Variants in COLQ observed in about 807,000 individuals in gnomAD.
COLQ encodes acetylcholinesterase collagenic tail peptide.
A neutral mutation model predicts 69.0 loss-of-function variants in COLQ; 48 were observed. The observed-to-expected ratio is 0.70, with a 90% CI of 0.55 to 0.88. COLQ has a LOEUF of 0.88. Among genes scored for constraint, COLQ ranks in the 40% least tolerant of loss-of-function variants. The pLI is 0.00. For missense variants in COLQ, 618 were observed against 594.6 expected (o/e 1.04, Z -0.41); for synonymous variants, 217 against 211.2 (o/e 1.03, Z -0.24).
chr3:15,466,361 G>A lies in COLQ; in HGVS notation c.794C>T (p.Pro265Leu), dbSNP rs1366896613. ...CTTACCTGCAGGTGGGGGGCCTGGG[G>A]GCCCCGGACGGCCAGGTTGACCAGA... ...GPSGQPGRPG[P>L]PGPPPAGQLI... The change falls in exon 12 of 17, where the codon CCC (proline) becomes CTC (leucine). Residue 265 changes from proline to leucine, a missense_variant. Physicochemically the swap from Pro to Leu is moderately conservative, Grantham distance 98. Coordinates refer to ENST00000383788, the MANE Select transcript of COLQ (RefSeq NM_005677.4). The A allele has an allele frequency of 2.0e-5, 33 of 1,613,786 alleles. No individual in the cohort carries two copies. Among genetic ancestry groups the A allele is most frequent in the Middle Eastern group, 1.6e-4 (1 of 6,082 alleles).
At chr3:15,472,571 C>A (rs889167840) in intron 10 of COLQ, among the ~76,000 whole-genome samples, 1 of 152,198 alleles carries the variant, frequency 6.6e-6, no homozygotes, top group Non-Finnish European at 1.5e-5. Context: ...GTTAAAATAA[C>A]AATTTCCAAT....
chr3:15,481,611 C>T lies in COLQ; in HGVS notation c.322-2229G>A, dbSNP rs1359685942. Reference sequence around the variant, plus strand: ...TGCCAGTACCATGCTGTCTTGGTTACTGTAGCCTTGTAGTATAGTTTGAAG... The same window carrying T: ...TGCCAGTACCATGCTGTCTTGGTTATTGTAGCCTTGTAGTATAGTTTGAAG... On this transcript the variant is annotated intron_variant, in intron 3 of 16. Transcript: ENST00000383788. Among the ~76,000 whole-genome samples, 4 of 152,204 alleles carry T rather than the reference C, an allele frequency of 2.6e-5. No individual in the cohort carries two copies. In the East Asian group the frequency reaches 7.7e-4, roughly 29 times the overall value.
intron 8 of COLQ, among the ~76,000 whole-genome samples, chr3:15,474,562 T>C (rs1249359019): frequency 7.0e-6 from 1 of 143,564 alleles, no homozygotes; most frequent in African/African-American, 2.7e-5. Flanking sequence ...TTTGATTTGG[T>C]TTTTGGCCAG....
At chr3:15,499,164 CACAA>C (rs1245195281) in intron 1 of COLQ, among the ~76,000 whole-genome samples, 1 of 152,058 alleles carries the variant, frequency 6.6e-6, no homozygotes, top group African/African-American at 2.4e-5. Flanking sequence ...ACAACGAAAC[CACAA>C]ACAAACAAAA....
intron 1 of COLQ, among the ~76,000 whole-genome samples, chr3:15,513,234 C>T (rs373800014): frequency 1.3e-5 from 2 of 152,294 alleles, no homozygotes; most frequent in South Asian, 2.1e-4. Flanking sequence ...TGAGCTATAA[C>T]TGTTACTGTC....
In COLQ at chr3:15,475,413, C is replaced by T. The variant is rs1205391202; in HGVS notation, c.528+12G>A. ...AGAGATCTGGGAACGTCCATTTGGA[C>T]CCCACACTGACCTTGGAGCCCATTG... On this transcript the variant is annotated intron_variant, in intron 7 of 16. Coordinates refer to ENST00000383788, the MANE Select transcript of COLQ (RefSeq NM_005677.4). 3 of 1,588,896 alleles carry T rather than the reference C, an allele frequency of 1.9e-6. No individual in the cohort carries two copies. Among genetic ancestry groups the T allele is most frequent in the Admixed American group, 1.8e-5 (1 of 57,090 alleles).
At chr3:15,464,671 G>A (rs940587161) in intron 12 of COLQ, among the ~76,000 whole-genome samples, 4 of 152,114 alleles carry the variant, frequency 2.6e-5, no homozygotes, top group African/African-American at 9.7e-5. Context: ...AATACACTGT[G>A]GAATTGTAAA....
chr3:15,467,876 G>T (rs749026047), intron 11 of COLQ: 11 of 456,642 alleles, frequency 2.4e-5, no homozygotes, highest in Non-Finnish European at 4.4e-5. Context: ...GGCACTGGGG[G>T]CCGTCTTGGT....
At chr3:15,496,046 C>T (rs1033209829) in intron 1 of COLQ, among the ~76,000 whole-genome samples, 3 of 152,284 alleles carry the variant, frequency 2.0e-5, no homozygotes, top group Non-Finnish European at 4.4e-5. Context: ...GCCTCCAGTG[C>T]CTTCCTTCAC....
rs1448910640 is a variant in COLQ at position 15,521,571 on chromosome 3, A to C, written c.55T>G (p.Ser19Ala). 1 of 1,614,222 alleles carries C rather than the reference A, an allele frequency of 6.2e-7. No homozygotes were observed. Among genetic ancestry groups the C allele is most frequent in the South Asian group, 1.1e-5 (1 of 91,086 alleles). The change falls in exon 1 of 17, where the codon TCT becomes GCT. Residue 19 changes from serine (S) to alanine (A), a missense_variant. Ser to Ala is a moderately conservative substitution (Grantham distance 99). Coordinates refer to ENST00000383788, the MANE Select transcript of COLQ (RefSeq NM_005677.4). ...ATGAAAGTCGGCTGAGACACGATAG[A>C]GAGGAAGAAAAGCTGAAGATAAATT... ...LGIYLQLFFL[S>A]IVSQPTFINS...
chr3:15,457,370 C>A (rs551869212), intron 13 of COLQ, among the ~76,000 whole-genome samples: 25 of 151,700 alleles, frequency 1.6e-4, no homozygotes, highest in African/African-American at 4.8e-4. Context: ...TTATGATGAA[C>A]AGATGTCCAA....
intron 11 of COLQ, among the ~76,000 whole-genome samples, chr3:15,466,733 T>G (rs1042817078): frequency 2.0e-5 from 3 of 152,210 alleles, no homozygotes; most frequent in African/African-American, 7.2e-5. Context: ...AATGGAGGCC[T>G]AGAAATGAGC....
intron 16 of COLQ, 35 bp from the exon 17 acceptor site, chr3:15,451,748 C>T (rs376916730): frequency 1.9e-6 from 3 of 1,566,986 alleles, no homozygotes; most frequent in South Asian, 2.2e-5. Context: ...AAAAGGCCAC[C>T]TCTTATATGC....
At chr3:15,482,901 C>T (rs1575479493) in intron 3 of COLQ, among the ~76,000 whole-genome samples, 1 of 152,208 alleles carries the variant, frequency 6.6e-6, no homozygotes, top group East Asian at 1.9e-4. Context: ...TGTTATTGGT[C>T]AATTCAGGGA....
At position 15,456,567 on chromosome 3, in the gene COLQ, T is replaced by G; in HGVS notation, c.967A>C (p.Asn323His). The change falls in exon 14 of 17, where the codon AAC (asparagine) becomes CAC (histidine). Residue 323 changes from asparagine to histidine, a missense_variant. By Grantham distance (68) the Asn-to-His change is moderately conservative. Transcript: ENST00000383788. Reference sequence around the variant, plus strand: ...AGCCTCTCAAGCTCCTCCTGGTTGTTGACCACAAAAATCTGCCAGAGAACA... The same window carrying G: ...AGCCTCTCAAGCTCCTCCTGGTTGTGGACCACAAAAATCTGCCAGAGAACA... ...SPRVPVIFVVNNQEELERLNT... is the reference protein window; with the variant it reads ...SPRVPVIFVVHNQEELERLNT... 2 of 1,614,112 alleles carry G rather than the reference T, an allele frequency of 1.2e-6. No individual in the cohort carries two copies. The highest frequency in any genetic ancestry group is 4.5e-5 in the East Asian group (2 of 44,874).
intron 1 of COLQ, among the ~76,000 whole-genome samples, chr3:15,492,856 GAA>G (rs1372372997): frequency 6.6e-6 from 1 of 152,164 alleles, no homozygotes; most frequent in Non-Finnish European, 1.5e-5. Flanking sequence ...CCCAGCCTTT[GAA>G]ACAACCAAAA....
chr3:15,511,750 A>C (rs2062988455), intron 1 of COLQ, among the ~76,000 whole-genome samples: 1 of 152,134 alleles, frequency 6.6e-6, no homozygotes, highest in Non-Finnish European at 1.5e-5. Flanking sequence ...TTTCATTTCC[A>C]GATGACCACA....
Position 15,462,313 on chromosome 3 carries a change from A to C in COLQ, c.815-3988T>G, listed in dbSNP as rs571038583. 6.6e-5 allele frequency among the ~76,000 whole-genome samples: 10 copies of C among 152,242 alleles called. No individual in the cohort carries two copies. In the East Asian group the frequency reaches 1.9e-3, roughly 29 times the overall value. ...CCCAAGTGCTAGGATTACAGGCGTA[A>C]GCCACCGCGCCCGGCTGAATATCTC... On this transcript the variant is annotated intron_variant, in intron 12 of 16. Coordinates refer to ENST00000383788, the MANE Select transcript of COLQ (RefSeq NM_005677.4).
rs1458733117 is a variant in COLQ, at chr3:15,453,859, C to A, written c.1268G>T (p.Gly423Val). 1 of 1,611,954 alleles carries A rather than the reference C, an allele frequency of 6.2e-7. No individual in the cohort carries two copies. The highest frequency in any genetic ancestry group is 1.3e-5 in the African/African-American group (1 of 74,824). ...GVEDCDGSDF[G>V]YLTCETYLPG... is the part of the protein sequence containing the mutation. The stretch of plus-strand genomic sequence containing the variant: ...GAGATAGGTCTCGCATGTCAGGTAG[C>A]CAAAGTCAGAGCCGTCACAGTCCTC... Residue 423 changes from glycine (G) to valine (V), a missense_variant, in exon 16 of 17, where the codon GGC (glycine) becomes GTC (valine). Physicochemically the swap from Gly to Val is moderately radical, Grantham distance 109. Transcript: ENST00000383788.
Sources: allele counts gnomAD v4.1 joint callset (sites outside exome capture counted in the v4.1 genomes callset), GRCh38; gene constraint gnomAD v4.1.1; transcripts MANE v1.5; gene names NCBI Gene and HGNC (gene_info 2026-07-23, HGNC 2026-07-21).